Variants in MAPKAP1 observed in about 807,000 individuals in gnomAD.
MAPKAP1 encodes the protein MAPK associated protein 1, also known as target of rapamycin complex 2 subunit MAPKAP1.
Under a neutral mutation model 65.7 loss-of-function variants are expected in MAPKAP1, and 20 were observed. That is an observed-to-expected ratio of 0.30 (90% confidence interval 0.21 to 0.44). The LOEUF (loss-of-function observed/expected upper bound fraction) is 0.44. Ranked by LOEUF, MAPKAP1 falls within the 20% of genes least tolerant of loss-of-function variation. MAPKAP1 has a pLI of 1.00. For synonymous variants in MAPKAP1, 222 were observed against 244.3 expected (o/e 0.91, Z 0.85); for missense variants, 423 against 648.0 (o/e 0.65, Z 3.77).
rs150836799 is a variant in MAPKAP1 at position 125,681,849 on chromosome 9, C to T, written c.-69-9206G>A. On this transcript the variant is annotated intron_variant, in intron 1 of 11. Transcript: ENST00000265960. ...GCAGTTGTGTGATCACAGCTCACTG[C>T]GGCCTTGACTTCCCGGGCTCAAGTG... Among the ~76,000 whole-genome samples, 288 of 152,330 alleles carry T rather than the reference C, an allele frequency of 1.9e-3. 1 individual carries two copies. Among genetic ancestry groups the T allele is most frequent in the African/African-American group, 6.2e-3 (259 of 41,576 alleles).
chr9:125,675,426 G>A (rs1459705589), intron 1 of MAPKAP1, among the ~76,000 whole-genome samples: 1 of 152,128 alleles, frequency 6.6e-6, no homozygotes, highest in Non-Finnish European at 1.5e-5. Context: ...TAAGAGGAAT[G>A]GGCAAACACT....
At chr9:125,482,210 CA>C (rs1854348308) in intron 9 of MAPKAP1, among the ~76,000 whole-genome samples, 1 of 150,834 alleles carries the variant, frequency 6.6e-6, no homozygotes, top group African/African-American at 2.4e-5. Flanking sequence ...GTATATATAC[CA>C]TGACTTTTCC....
At chr9:125,682,455 T>C (rs1206442588) in intron 1 of MAPKAP1, among the ~76,000 whole-genome samples, 3 of 152,242 alleles carry the variant, frequency 2.0e-5, no homozygotes, top group African/African-American at 7.2e-5. Context: ...GAAATAATGT[T>C]TATGTGCTAG....
At chr9:125,659,019 G>A (rs1834112194) in intron 3 of MAPKAP1, among the ~76,000 whole-genome samples, 1 of 152,180 alleles carries the variant, frequency 6.6e-6, no homozygotes, top group South Asian at 2.1e-4. Context: ...GAAAGGCAAG[G>A]TGGGAGGATC....
chr9:125,627,118 G>C (rs992302911), intron 4 of MAPKAP1, among the ~76,000 whole-genome samples: 2 of 152,086 alleles, frequency 1.3e-5, no homozygotes, highest in Non-Finnish European at 2.9e-5. Flanking sequence ...CAATGAGTAG[G>C]ACTCATCCCA....
intron 8 of MAPKAP1, among the ~76,000 whole-genome samples, chr9:125,495,779 G>A (rs557898750): frequency 1.3e-5 from 2 of 152,344 alleles, no homozygotes; most frequent in African/African-American, 4.8e-5. Context: ...GGTCAGCACA[G>A]CTTTTTGCCC....
intron 8 of MAPKAP1, among the ~76,000 whole-genome samples, chr9:125,501,511 T>C (rs12004670): frequency 2.5e-3 from 380 of 152,350 alleles, no homozygotes; most frequent in African/African-American, 8.6e-3. Context: ...GGTACCAAGA[T>C]TATGATAGCC....
At chr9:125,684,670 C>A (rs1834922023) in intron 1 of MAPKAP1, among the ~76,000 whole-genome samples, 1 of 152,182 alleles carries the variant, frequency 6.6e-6, no homozygotes, top group Admixed American at 6.5e-5. Context: ...AAGTTGCATT[C>A]CGTAAGACTT....
At chr9:125,453,971 C>T (rs1361283035) in intron 10 of MAPKAP1, among the ~76,000 whole-genome samples, 1 of 152,210 alleles carries the variant, frequency 6.6e-6, no homozygotes, top group Non-Finnish European at 1.5e-5. Flanking sequence ...TCACTTCCTT[C>T]ATTTTCAAGA....
At chr9:125,607,395 T>C (rs1007255148) in intron 4 of MAPKAP1, among the ~76,000 whole-genome samples, 2 of 152,220 alleles carry the variant, frequency 1.3e-5, no homozygotes, top group African/African-American at 2.4e-5. Context: ...TCAAACACTA[T>C]AGGTCAGATA....
intron 4 of MAPKAP1, among the ~76,000 whole-genome samples, chr9:125,592,635 T>C (rs993912349): frequency 2.0e-5 from 3 of 152,216 alleles, no homozygotes; most frequent in Non-Finnish European, 4.4e-5. Flanking sequence ...CCAGGCGCAG[T>C]GGCTCATGCC....
chr9:125,585,771 T>C (rs776494425), intron 4 of MAPKAP1, 44 bp from the exon 5 acceptor site: 31 of 1,585,970 alleles, frequency 2.0e-5, no homozygotes, highest in Non-Finnish European at 2.6e-5. Context: ...CACTGCCAGT[T>C]ATACAGACCC....
At chr9:125,467,822 C>G in intron 10 of MAPKAP1, 150 bp downstream of exon 10, 2 of 847,822 alleles carry the variant, frequency 2.4e-6, no homozygotes, top group African/African-American at 3.4e-5. Context: ...TAATACAATC[C>G]CGTTTGATTA....
intron 1 of MAPKAP1, among the ~76,000 whole-genome samples, chr9:125,688,666 G>A (rs549600439): frequency 6.6e-6 from 1 of 152,124 alleles, no homozygotes; most frequent in East Asian, 1.9e-4. Flanking sequence ...TTCAAGACTA[G>A]CCTAGGCAAC....
Position 125,652,190 on chromosome 9 carries a change from G to C in MAPKAP1, c.498+5461C>G, listed in dbSNP as rs763929667. 9 of 1,322,090 alleles carry C rather than the reference G, an allele frequency of 6.8e-6. No homozygotes were observed. The South Asian group carries it at 8.4e-5, about 12-fold the overall frequency. The allele number at this position is 1,322,090 out of a possible 1,614,324, so 81.9% of individuals were successfully genotyped here. ...AGTTTTAAGTGACTTTCTTTGAAGA[G>C]AGCTATTTAATGCCAATGATTGTAG... On this transcript the variant is annotated intron_variant, in intron 4 of 11. Transcript: ENST00000265960.
intron 7 of MAPKAP1, among the ~76,000 whole-genome samples, chr9:125,511,137 T>A (rs1022836353): frequency 4.0e-5 from 6 of 151,746 alleles, no homozygotes; most frequent in African/African-American, 1.5e-4. Flanking sequence ...ATTAATAGTG[T>A]GATTTAAGTA....
intron 4 of MAPKAP1, among the ~76,000 whole-genome samples, chr9:125,643,305 T>G (rs758205568): frequency 7.2e-4 from 105 of 145,040 alleles, no homozygotes; most frequent in Non-Finnish European, 1.4e-3. Context: ...AGCAATTCTC[T>G]TGCCTCAGCC....
intron 10 of MAPKAP1, among the ~76,000 whole-genome samples, chr9:125,463,813 G>A (rs1291382778): frequency 2.0e-5 from 3 of 152,244 alleles, no homozygotes; most frequent in Non-Finnish European, 2.9e-5. Flanking sequence ...GAGATACAGC[G>A]CTCTTTTCAG....
chr9:125,499,996 A>T (rs1828922619), intron 8 of MAPKAP1, among the ~76,000 whole-genome samples: 1 of 152,078 alleles, frequency 6.6e-6, no homozygotes, highest in Non-Finnish European at 1.5e-5. Flanking sequence ...AAAACAAACA[A>T]AAAAATTAAT....
Sources: allele counts gnomAD v4.1 joint callset (sites outside exome capture counted in the v4.1 genomes callset), GRCh38; gene constraint gnomAD v4.1.1; transcripts MANE v1.5; gene names NCBI Gene and HGNC (gene_info 2026-07-23, HGNC 2026-07-21).